ATP5F1C: variants seen among roughly 807,000 people sequenced by gnomAD.
ATP5F1C encodes the protein ATP synthase F1 subunit gamma, also known as ATP synthase F(1) complex subunit gamma, mitochondrial.
Under a neutral mutation model 37.4 loss-of-function variants are expected in ATP5F1C, and 22 were observed. The observed-to-expected ratio is 0.59, with a 90% CI of 0.42 to 0.84. The LOEUF (loss-of-function observed/expected upper bound fraction) is 0.84, where lower values mean the gene tolerates loss of function less well. Among genes scored for constraint, ATP5F1C ranks in the 40% least tolerant of loss-of-function variants. ATP5F1C has a pLI of 0.00. For synonymous variants in ATP5F1C, 121 were observed against 128.0 expected, an observed-to-expected ratio of 0.95 and a Z score of 0.37; for missense variants, 286 against 362.4, an observed-to-expected ratio of 0.79 and a Z score of 1.71.
chr10:7,799,135 A>G lies in ATP5F1C; in HGVS notation c.369A>G (p.Ala123=). ...QMKSEVATLT[A]AGKEVMLVGI... is the part of the protein sequence containing the mutation. ...AAAGCGAGGTTGCTACACTAACAGC[A>G]GCTGGGAAAGAAGTTATGCTTGTTG... is the stretch of plus-strand genomic sequence containing the variant. The change falls in exon 4 of 10, where the codon GCA becomes GCG. Residue 123 remains alanine, a synonymous_variant. Coordinates refer to ENST00000356708, the MANE Select transcript of ATP5F1C (RefSeq NM_001001973.3). 6.2e-7 allele frequency: 1 copy of G among 1,614,092 alleles called. No individual in the cohort carries two copies. Among genetic ancestry groups the G allele is most frequent in the East Asian group, 2.2e-5 (1 of 44,876 alleles).
intron 3 of ATP5F1C, among the ~76,000 whole-genome samples, chr10:7,797,798 C>G (rs1200829568): frequency 1.3e-5 from 2 of 152,120 alleles, no homozygotes; most frequent in Non-Finnish European, 2.9e-5. Flanking sequence ...CCATTCTTAT[C>G]TTTTCAAAAG....
intron 2 of ATP5F1C, 168 bp from the exon 3 acceptor site, chr10:7,796,879 C>G (rs1480720979): frequency 1.4e-6 from 1 of 716,246 alleles, no homozygotes; most frequent in African/African-American, 1.8e-5. Flanking sequence ...CCACCGTGCC[C>G]GGCTATTAGT....
At chr10:7,798,846 C>A in intron 3 of ATP5F1C, 144 bp from the exon 4 acceptor site, 1 of 743,604 alleles carries the variant, frequency 1.3e-6, no homozygotes, top group African/African-American at 1.8e-5. Flanking sequence ...TTACAGCTGT[C>A]CTAAGAACAC....
At chr10:7,802,158 G>A (rs948137097) in intron 6 of ATP5F1C, 112 bp from the exon 7 acceptor site, 11 of 1,053,298 alleles carry the variant, frequency 1.0e-5, no homozygotes, top group South Asian at 3.6e-5. Context: ...ACCTTATCTA[G>A]CATTAATTTC....
chr10:7,796,236 C>A, intron 2 of ATP5F1C, 81 bp downstream of exon 2: 1 of 1,254,000 alleles, frequency 8.0e-7, no homozygotes, highest in Non-Finnish European at 1.1e-6. Flanking sequence ...AAATATACTG[C>A]TTTAGCCCAT....
chr10:7,796,473 G>A (rs889337796), intron 2 of ATP5F1C: 13 of 206,778 alleles, frequency 6.3e-5, no homozygotes, highest in Non-Finnish European at 8.6e-5. Flanking sequence ...GGAATATGTG[G>A]TTAAGGCAAC....
intron 1 of ATP5F1C, among the ~76,000 whole-genome samples, chr10:7,791,175 C>T (rs537889404): frequency 6.6e-6 from 1 of 152,022 alleles, no homozygotes; most frequent in Non-Finnish European, 1.5e-5. Context: ...TGGTACGCAC[C>T]TGTAGTCCCA....
At position 7,799,630 on chromosome 10, in the gene ATP5F1C, G is replaced by C. The variant is rs1340970967; in HGVS notation, c.429-142G>C. ...TGAAGGAAAGGAATGATGATAGTGT[G>C]TGGAACAACTCAGGAAATCACCACC... On this transcript the variant is annotated intron_variant, in intron 4 of 9. Coordinates refer to ENST00000356708, the MANE Select transcript of ATP5F1C (RefSeq NM_001001973.3). 6.8e-6 allele frequency: 6 copies of C among 877,624 alleles called. No individual in the cohort carries two copies. In the East Asian group the frequency reaches 1.5e-4, roughly 23 times the overall value. 54.4% of individuals were successfully genotyped at this position (877,624 alleles called of 1,614,324 possible).
chr10:7,796,223 C>A, intron 2 of ATP5F1C, 68 bp downstream of exon 2: 3 of 1,337,424 alleles, frequency 2.2e-6, no homozygotes, highest in South Asian at 2.7e-5. Context: ...CAAATACTTT[C>A]AAAAATATAC....
At chr10:7,789,119 C>G (rs1836111700) in intron 1 of ATP5F1C, among the ~76,000 whole-genome samples, 1 of 151,948 alleles carries the variant, frequency 6.6e-6, no homozygotes, top group Non-Finnish European at 1.5e-5. Context: ...CGGGAATGGG[C>G]AGGTAAAAGT....
rs773244838 is a variant in ATP5F1C, at chr10:7,800,043, A to G, written c.589A>G (p.Lys197Glu). 5 of 1,613,942 alleles carry G rather than the reference A, an allele frequency of 3.1e-6. No individual in the cohort carries two copies. The highest frequency in any genetic ancestry group is 4.2e-6 in the Non-Finnish European group (5 of 1,180,012). Residue 197 changes from lysine (K) to glutamate (E), a missense_variant, in exon 6 of 10, where the codon AAG becomes GAG. Physicochemically the swap from Lys to Glu is moderately conservative, Grantham distance 56 (BLOSUM62 1). Transcript: ENST00000356708. ...FNKFRSVISY[K>E]TEEKPIFSLN... ...CAATTCTAGGTCTGTCATCTCCTAT[A>G]AGACAGAAGAAAAGCCCATCTTTTC...
intron 8 of ATP5F1C, among the ~76,000 whole-genome samples, chr10:7,806,618 C>T (rs1836486866): frequency 1.3e-5 from 2 of 150,234 alleles, no homozygotes; most frequent in South Asian, 4.2e-4. Context: ...CACGCCACTG[C>T]ACTCCAGCCT....
intron 3 of ATP5F1C, among the ~76,000 whole-genome samples, chr10:7,798,580 T>G (rs977238525): frequency 3.9e-5 from 6 of 152,236 alleles, no homozygotes; most frequent in African/African-American, 1.4e-4. Context: ...CTAATTTTTT[T>G]GTATTTTTTA....
At chr10:7,791,843 A>G (rs1836169232) in intron 1 of ATP5F1C, among the ~76,000 whole-genome samples, 1 of 152,270 alleles carries the variant, frequency 6.6e-6, no homozygotes, top group East Asian at 1.9e-4. Context: ...AGTGCTTTAA[A>G]ACACATGAAA....
In ATP5F1C at chr10:7,788,218, G is replaced by T; in HGVS notation, c.11G>T (p.Arg4Leu). The change falls in exon 1 of 10, where the codon CGC becomes CTC. Residue 4 changes from arginine to leucine, a missense_variant. Transcript: ENST00000356708. MFS[R>L]AGVAGLSAWT... Reference sequence around the variant, plus strand: ...AGGGCTGTGGCTACCATGTTCTCTCGCGCGGGTGTCGCTGGGCTGTCGGCC... The same window carrying T: ...AGGGCTGTGGCTACCATGTTCTCTCTCGCGGGTGTCGCTGGGCTGTCGGCC... 6.2e-7 allele frequency: 1 copy of T among 1,613,526 alleles called. No homozygotes were observed. Among genetic ancestry groups the T allele is most frequent in the Non-Finnish European group, 8.5e-7 (1 of 1,179,936 alleles).
intron 1 of ATP5F1C, among the ~76,000 whole-genome samples, chr10:7,789,803 C>CA (rs1206887579): frequency 1.3e-5 from 2 of 152,126 alleles, no homozygotes; most frequent in Non-Finnish European, 2.9e-5. Context: ...CAATATTTTA[C>CA]AAAAAATTTT....
At chr10:7,805,746 CAAAAAAA>C (rs547312025) in intron 8 of ATP5F1C, among the ~76,000 whole-genome samples, 1 of 89,888 alleles carries the variant, frequency 1.1e-5, no homozygotes, top group Non-Finnish European at 2.2e-5. Flanking sequence ...GACTCCTTCT[CAAAAAAA>C]AAAAAAAAAA....
chr10:7,798,126 C>A (rs985540576), intron 3 of ATP5F1C, among the ~76,000 whole-genome samples: 3 of 152,152 alleles, frequency 2.0e-5, no homozygotes, highest in Non-Finnish European at 4.4e-5. Context: ...TAAAGAAGAT[C>A]ATGCAGTGAA....
At chr10:7,801,979 T>G (rs1309019608) in intron 6 of ATP5F1C, among the ~76,000 whole-genome samples, 1 of 152,240 alleles carries the variant, frequency 6.6e-6, no homozygotes, top group Non-Finnish European at 1.5e-5. Context: ...TCCAGAGGGC[T>G]TCATAACCAC....
Sources: allele counts gnomAD v4.1 joint callset (sites outside exome capture counted in the v4.1 genomes callset), GRCh38; gene constraint gnomAD v4.1.1; transcripts MANE v1.5; gene names NCBI Gene and HGNC (gene_info 2026-07-23, HGNC 2026-07-21).